The following GABRA2 variants were observed in gnomAD, a reference collection of about 807,000 sequenced individuals.
GABRA2 encodes gamma-aminobutyric acid receptor subunit alpha-2.
A neutral mutation model predicts 48.7 loss-of-function variants in GABRA2; 16 were observed. The ratio of observed to expected loss-of-function variants is 0.33; its 90% CI spans 0.22 to 0.50. GABRA2 has a LOEUF of 0.50. GABRA2 is among the 20% of genes least tolerant of loss of function. The pLI is 0.98. For missense variants in GABRA2, 275 were observed against 535.6 expected (o/e 0.51, Z 4.80); for synonymous variants, 185 against 184.5 (o/e 1.00, Z -0.02).
intron 4 of GABRA2, among the ~76,000 whole-genome samples, chr4:46,328,568 C>A (rs982461257): frequency 6.6e-6 from 1 of 152,044 alleles, no homozygotes; most frequent in African/African-American, 2.4e-5. Flanking sequence ...GATATCTCCA[C>A]ATCCACTTTG....
Position 46,389,833 on chromosome 4 carries a change from G to GAGAGAGAGAGAGAC in GABRA2, c.-110_-109insGTCTCTCTCTCTCT, listed in dbSNP as rs1718003052. 1.0e-6 allele frequency: 1 copy of GAGAGAGAGAGAGAC among 970,086 alleles called. No homozygotes were observed. The highest frequency in any genetic ancestry group is 1.2e-6 in the Non-Finnish European group (1 of 822,794). The allele number at this position is 970,086 out of a possible 1,614,324, so 60.1% of individuals were successfully genotyped here. On this transcript the variant is annotated 5_prime_UTR_variant, in exon 1 of 10. Transcript: ENST00000381620. The stretch of plus-strand genomic sequence containing the variant: ...AGAGAGAGAGAGAGAGAGAGAGAGA[G>GAGAGAGAGAGAGAC]AGAGAGAGAGAGAGAGAGAGAGAGA...
intron 8 of GABRA2, among the ~76,000 whole-genome samples, chr4:46,280,212 T>C (rs1721268584): frequency 6.6e-6 from 1 of 152,060 alleles, no homozygotes; most frequent in South Asian, 2.1e-4. Context: ...GAGTCAGAAA[T>C]CGTGAGACAG....
At position 46,291,919 on chromosome 4, in the gene GABRA2, T is replaced by G. The variant is rs866744253; in HGVS notation, c.856+11541A>C. 2.0e-5 allele frequency among the ~76,000 whole-genome samples: 3 copies of G among 152,096 alleles called. No individual in the cohort carries two copies. In the Middle Eastern group the frequency reaches 0.01, roughly 517 times the overall value. ...AAATAGAATATTAAGGATGCAGTTC[T>G]TTCATTGGTTTTCGGATTTCTAGAG... On this transcript the variant is annotated intron_variant, in intron 8 of 9. Transcript: ENST00000381620.
chr4:46,341,370 C>T (rs1425994417), intron 3 of GABRA2, among the ~76,000 whole-genome samples: 1 of 151,870 alleles, frequency 6.6e-6, no homozygotes, highest in Non-Finnish European at 1.5e-5. Context: ...ATAAGACATC[C>T]TTCCACTCTT....
chr4:46,263,682 A>C (rs1717508606), intron 8 of GABRA2, among the ~76,000 whole-genome samples: 1 of 151,984 alleles, frequency 6.6e-6, no homozygotes. Context: ...TCTTATTCTT[A>C]TTCATCAGTC....
chr4:46,337,450 C>T (rs1732450865), intron 3 of GABRA2, among the ~76,000 whole-genome samples: 2 of 151,966 alleles, frequency 1.3e-5, no homozygotes, highest in African/African-American at 4.8e-5. Context: ...TCAAAACAGA[C>T]CTGATATGCC....
At chr4:46,309,566 T>A (rs2109670890) in intron 6 of GABRA2, among the ~76,000 whole-genome samples, 1 of 152,096 alleles carries the variant, frequency 6.6e-6, no homozygotes, top group East Asian at 1.9e-4. Context: ...TCTGGAAGAA[T>A]GAATGCTTCT....
intron 4 of GABRA2, among the ~76,000 whole-genome samples, chr4:46,317,685 C>T (rs553677009): frequency 6.0e-5 from 9 of 150,734 alleles, no homozygotes; most frequent in South Asian, 2.1e-4. Context: ...ATTGTACAAA[C>T]GAAAGTGGGA....
chr4:46,332,457 CA>C (rs990258213), intron 4 of GABRA2, among the ~76,000 whole-genome samples, 157 bp downstream of exon 4: 76 of 152,072 alleles, frequency 5.0e-4, no homozygotes, highest in African/African-American at 1.8e-3. Context: ...AAATGGAAAC[CA>C]TAGATCCAAA....
intron 8 of GABRA2, among the ~76,000 whole-genome samples, chr4:46,273,528 TATATATATGA>T (rs1175259828): frequency 1.5e-3 from 78 of 51,094 alleles, no homozygotes; most frequent in African/African-American, 7.2e-3. Context: ...TATATATATA[TATATATATGA>T]GAGAGAGAGG....
chr4:46,328,203 T>A (rs1560533880), intron 4 of GABRA2, among the ~76,000 whole-genome samples: 1 of 152,080 alleles, frequency 6.6e-6, no homozygotes, highest in Non-Finnish European at 1.5e-5. Flanking sequence ...AAGTAGAATC[T>A]TTAATTATAA....
At chr4:46,364,403 C>T (rs1713712177) in intron 3 of GABRA2, 1 of 151,992 alleles carries the variant, frequency 6.6e-6, no homozygotes, top group Non-Finnish European at 1.5e-5. Context: ...ACAAACTTAA[C>T]AATGTAAGAC....
At chr4:46,350,705 T>G (rs1325064978) in intron 3 of GABRA2, among the ~76,000 whole-genome samples, 1 of 151,868 alleles carries the variant, frequency 6.6e-6, no homozygotes, top group Admixed American at 6.6e-5. Flanking sequence ...TTACGTCCTT[T>G]CTGATTTCAT....
intron 4 of GABRA2, among the ~76,000 whole-genome samples, chr4:46,317,475 G>A (rs1170986988): frequency 1.3e-5 from 2 of 151,700 alleles, no homozygotes; most frequent in Admixed American, 1.3e-4. Context: ...GTAAATTAAG[G>A]TCATGTTTAT....
rs1718019001 is a variant in GABRA2 at position 46,389,859 on chromosome 4, G to GAGAGAGAGAC, written c.-136_-135insGTCTCTCTCT. On this transcript the variant is annotated 5_prime_UTR_variant, in exon 1 of 10. Coordinates refer to ENST00000381620, the MANE Select transcript of GABRA2 (RefSeq NM_000807.4). ...AGAGAGAGAGAGAGAGAGAGAGAGA[G>GAGAGAGAGAC]AGACCGAGACTGCAGCAGCCAAGAG... 1 of 954,118 alleles carries GAGAGAGAGAC rather than the reference G, an allele frequency of 1.0e-6. No homozygotes were observed. The highest frequency in any genetic ancestry group is 1.2e-6 in the Non-Finnish European group (1 of 811,902). The allele number at this position is 954,118 out of a possible 1,614,324, so 59.1% of individuals were successfully genotyped here. A position where few individuals can be genotyped will look rare whatever the true frequency, so the allele number is the denominator to read the frequency against.
At chr4:46,356,387 C>T (rs967270034) in intron 3 of GABRA2, among the ~76,000 whole-genome samples, 4 of 148,844 alleles carry the variant, frequency 2.7e-5, no homozygotes, top group Non-Finnish European at 5.9e-5. Flanking sequence ...CACCCCTGGC[C>T]AGGAAGAAAA....
intron 3 of GABRA2, among the ~76,000 whole-genome samples, chr4:46,355,095 C>A (rs1387893807): frequency 1.3e-5 from 2 of 152,126 alleles, no homozygotes; most frequent in Non-Finnish European, 2.9e-5. Context: ...GCACCCTCCA[C>A]CCACGTCAAC....
intron 8 of GABRA2, among the ~76,000 whole-genome samples, chr4:46,297,477 A>ATT (rs1491434468): frequency 2.9e-4 from 1 of 3,444 alleles, no homozygotes; most frequent in Non-Finnish European, 6.6e-4. Flanking sequence ...ATAAAATCCC[A>ATT]TATATATATA....
At chr4:46,263,017 G>A (rs1042474499) in intron 8 of GABRA2, among the ~76,000 whole-genome samples, 38 of 145,256 alleles carry the variant, frequency 2.6e-4, no homozygotes, top group African/African-American at 8.9e-4. Flanking sequence ...AGAAAGATAT[G>A]TTGCTTTCCT....
Sources: allele counts gnomAD v4.1 joint callset (sites outside exome capture counted in the v4.1 genomes callset), GRCh38; gene constraint gnomAD v4.1.1; transcripts MANE v1.5; gene names NCBI Gene and HGNC (gene_info 2026-07-23, HGNC 2026-07-21).